Variants in FRMPD4 observed in about 807,000 individuals in gnomAD.
FRMPD4 encodes the protein FERM and PDZ domain-containing protein 4.
Under a neutral mutation model 94.1 loss-of-function variants are expected in FRMPD4, and 22 were observed. The ratio of observed to expected loss-of-function variants is 0.23; its 90% CI spans 0.17 to 0.33. FRMPD4 has a LOEUF of 0.33. Ranked by LOEUF, FRMPD4 falls within the 10% of genes least tolerant of loss-of-function variation. The pLI is 1.00. For missense variants in FRMPD4, 1,111 were observed against 1,339.9 expected (o/e 0.83, Z 2.67); for synonymous variants, 631 against 548.6 (o/e 1.15, Z -2.10).
chrX:12,111,486 T>G (rs768193779), intron 3 of FRMPD4, among the ~76,000 whole-genome samples: 1 of 111,087 alleles, frequency 9.0e-6, no homozygotes, highest in Admixed American at 9.6e-5. Flanking sequence ...AACCTAGGCA[T>G]TACCATTCAG....
At chrX:11,884,837 T>A (rs774568153) in intron 3 of FRMPD4, among the ~76,000 whole-genome samples, 1 of 111,445 alleles carries the variant, frequency 9.0e-6, no homozygotes, top group South Asian at 3.8e-4. Flanking sequence ...AGAGGAGAGA[T>A]TAAATATAGA....
At chrX:11,922,007 T>G (rs993572323) in intron 3 of FRMPD4, among the ~76,000 whole-genome samples, 3 of 111,707 alleles carry the variant, frequency 2.7e-5, no homozygotes, top group African/African-American at 9.8e-5. Flanking sequence ...ATTCGGAGAT[T>G]TTAGTGGACA....
At position 12,653,235 on chromosome X, in the gene FRMPD4, T is replaced by C. The variant is rs776478124; in HGVS notation, c.423-21628T>C. ...AATGCGAGCAATATTATTGTCATTC[T>C]TAAAACGTAAAGAATAGAAAAAGCA... On this transcript the variant is annotated intron_variant, in intron 4 of 16. Transcript: ENST00000675598. Among the ~76,000 whole-genome samples the C allele has an allele frequency of 8.0e-5, 9 of 112,353 alleles. No homozygotes were observed. The East Asian group carries it at 2.5e-3, about 31-fold the overall frequency.
At chrX:11,914,247 G>T (rs896222104) in intron 3 of FRMPD4, among the ~76,000 whole-genome samples, 19 of 109,382 alleles carry the variant, frequency 1.7e-4, no homozygotes, top group African/African-American at 5.3e-4. Flanking sequence ...CTTCAATTAT[G>T]ATGTCCTTTG....
intron 1 of FRMPD4, among the ~76,000 whole-genome samples, chrX:11,827,915 A>G (rs2053453821): frequency 8.9e-6 from 1 of 112,055 alleles, no homozygotes; most frequent in South Asian, 3.7e-4. Context: ...TGATGGCAAC[A>G]TGATATAAAC....
intron 1 of FRMPD4, among the ~76,000 whole-genome samples, chrX:12,165,709 A>G (rs922856987): frequency 1.8e-5 from 2 of 111,079 alleles, no homozygotes; most frequent in East Asian, 2.8e-4. Flanking sequence ...ATTTCTTTGT[A>G]TCCTCTTTTA....
intron 4 of FRMPD4, among the ~76,000 whole-genome samples, chrX:12,655,863 C>T (rs1480235495): frequency 4.5e-5 from 5 of 112,151 alleles, no homozygotes; most frequent in Middle Eastern, 9.2e-3. Context: ...ACTAACTGCT[C>T]ACCAGGACTT....
intron 3 of FRMPD4, among the ~76,000 whole-genome samples, chrX:11,993,077 A>G (rs1018252541): frequency 9.7e-6 from 1 of 103,115 alleles, no homozygotes; most frequent in Admixed American, 1.1e-4. Context: ...ATTGTAGTTT[A>G]TTTTTTTCTG....
intron 3 of FRMPD4, among the ~76,000 whole-genome samples, chrX:11,935,072 ATT>A (rs753999126): frequency 2.5e-5 from 1 of 40,240 alleles, no homozygotes; most frequent in Non-Finnish European, 4.4e-5. Flanking sequence ...ACTATTGGTG[ATT>A]TTTTTTTTTT....
At chrX:12,186,438 T>C (rs776299901) in intron 1 of FRMPD4, among the ~76,000 whole-genome samples, 1 of 111,697 alleles carries the variant, frequency 9.0e-6, no homozygotes, top group East Asian at 2.8e-4. Flanking sequence ...TTTAATGGAA[T>C]CTCCCAAAAT....
chrX:12,083,881 G>C (rs146205521), intron 3 of FRMPD4, among the ~76,000 whole-genome samples: 1 of 112,050 alleles, frequency 8.9e-6, no homozygotes, highest in Non-Finnish European at 1.9e-5. Context: ...TGTATCAAAT[G>C]CCTGTACCCC....
At chrX:12,180,527 G>A (rs186947649) in intron 1 of FRMPD4, among the ~76,000 whole-genome samples, 139 of 111,957 alleles carry the variant, frequency 1.2e-3, no homozygotes, top group East Asian at 0.012. Flanking sequence ...ACGTTTAAGA[G>A]ACCATTTGTG....
intron 1 of FRMPD4, among the ~76,000 whole-genome samples, chrX:12,357,740 C>T (rs898769126): frequency 2.7e-5 from 3 of 112,108 alleles, no homozygotes; most frequent in Non-Finnish European, 5.6e-5. Context: ...GGGCTTTGCT[C>T]CTTGATTATT....
chrX:12,323,791 T>C (rs752923823), intron 1 of FRMPD4, among the ~76,000 whole-genome samples: 2 of 111,645 alleles, frequency 1.8e-5, no homozygotes, highest in East Asian at 2.8e-4. Context: ...CTGGAGTCCC[T>C]GAGTGTTGGG....
chrX:11,838,391 T>C (rs2053513928), intron 1 of FRMPD4, among the ~76,000 whole-genome samples: 1 of 111,845 alleles, frequency 8.9e-6, no homozygotes, highest in African/African-American at 3.2e-5. Flanking sequence ...AGGATTGGTG[T>C]ATTGTGCAAA....
chrX:12,421,602 A>G (rs1389056265), intron 1 of FRMPD4, among the ~76,000 whole-genome samples: 3 of 109,644 alleles, frequency 2.7e-5, no homozygotes, highest in Non-Finnish European at 5.7e-5. Flanking sequence ...TACACAAAGT[A>G]TAAAAAATTA....
In FRMPD4 at chrX:12,185,542, C is replaced by T. The variant is rs192514539; in HGVS notation, c.41+46530C>T. 4.9e-3 allele frequency among the ~76,000 whole-genome samples: 545 copies of T among 111,501 alleles called. 4 individuals are homozygous for T. Among genetic ancestry groups the T allele is most frequent in the Non-Finnish European group, 7.2e-3 (381 of 52,973 alleles). ...AGGGCTAACTCTTCCAAGGGTCCCTCTACGACCCAAATCACTCATTTTCCC... is the reference window on the plus strand; with the variant it reads ...AGGGCTAACTCTTCCAAGGGTCCCTTTACGACCCAAATCACTCATTTTCCC... On this transcript the variant is annotated intron_variant, in intron 1 of 16. Transcript: ENST00000675598.
intron 3 of FRMPD4, among the ~76,000 whole-genome samples, chrX:12,077,219 G>A (rs1360392052): frequency 8.9e-6 from 1 of 112,098 alleles, no homozygotes; most frequent in Non-Finnish European, 1.9e-5. Flanking sequence ...CCAGTTATAA[G>A]CATTTTTGTT....
intron 4 of FRMPD4, among the ~76,000 whole-genome samples, chrX:12,628,858 G>C (rs567960305): frequency 8.9e-6 from 1 of 112,472 alleles, no homozygotes; most frequent in African/African-American, 3.2e-5. Flanking sequence ...CCTGAGACTG[G>C]GCAGTTTATA....
Sources: gnomAD v4.1 joint callset for allele counts (sites outside exome capture counted in the v4.1 genomes callset) on GRCh38, gnomAD v4.1.1 for gene constraint, MANE v1.5 for transcripts, NCBI Gene and HGNC (gene_info 2026-07-23, HGNC 2026-07-21) for gene names.